EPHA3: variants seen among roughly 807,000 people sequenced by gnomAD.
The protein encoded by EPHA3 is EPH receptor A3, also known as ephrin type-A receptor 3.
EPHA3 carries 42 observed loss-of-function variants against 107.1 expected under a neutral mutation model. That is an observed-to-expected ratio of 0.39 (90% confidence interval 0.31 to 0.51). The LOEUF is 0.51. EPHA3 is among the 20% of genes least tolerant of loss of function. The pLI, the probability that EPHA3 is intolerant of heterozygous loss-of-function variation, is 0.78. For synonymous variants in EPHA3, 461 were observed against 424.8 expected, an observed-to-expected ratio of 1.09 and a Z score of -1.05; for missense variants, 1,183 against 1,211.2, an observed-to-expected ratio of 0.98 and a Z score of 0.35.
intron 9 of EPHA3, among the ~76,000 whole-genome samples, chr3:89,412,050 T>G (rs1280084967): frequency 6.6e-6 from 1 of 151,854 alleles, no homozygotes; most frequent in Non-Finnish European, 1.5e-5. Flanking sequence ...AAATCAGTAG[T>G]CTTAGCAGAT....
At chr3:89,128,893 C>T (rs1229165965) in intron 2 of EPHA3, among the ~76,000 whole-genome samples, 2 of 151,874 alleles carry the variant, frequency 1.3e-5, no homozygotes, top group Non-Finnish European at 2.9e-5. Flanking sequence ...TTGTTATTCT[C>T]ATAGATAATG....
chr3:89,337,855 G>A (rs551076006), intron 3 of EPHA3, among the ~76,000 whole-genome samples: 8 of 152,164 alleles, frequency 5.3e-5, no homozygotes, highest in Non-Finnish European at 1.0e-4. Context: ...TAAACAAACA[G>A]GGTATTGTCT....
intron 10 of EPHA3, among the ~76,000 whole-genome samples, chr3:89,418,704 T>C (rs1395823977): frequency 6.6e-6 from 1 of 151,456 alleles, no homozygotes; most frequent in Non-Finnish European, 1.5e-5. Flanking sequence ...AACACACCAA[T>C]ACTCCAATAA....
chr3:89,111,849 T>A (rs76709621), intron 1 of EPHA3, among the ~76,000 whole-genome samples: 1 of 152,154 alleles, frequency 6.6e-6, no homozygotes, highest in Non-Finnish European at 1.5e-5. Flanking sequence ...TTCATAATCA[T>A]ACTATTCCAG....
chr3:89,275,999 G>T (rs945348355), intron 3 of EPHA3, among the ~76,000 whole-genome samples: 1 of 152,028 alleles, frequency 6.6e-6, no homozygotes, highest in Non-Finnish European at 1.5e-5. Context: ...ACTAGAACCA[G>T]CAGGGTGAAT....
At chr3:89,242,176 T>C (rs1278167720) in intron 3 of EPHA3, among the ~76,000 whole-genome samples, 2 of 152,174 alleles carry the variant, frequency 1.3e-5, no homozygotes, top group Non-Finnish European at 2.9e-5. Context: ...ATGATTGTAA[T>C]ATGAGCTGCT....
At chr3:89,444,718 C>A (rs1287442010) in intron 13 of EPHA3, among the ~76,000 whole-genome samples, 1 of 151,944 alleles carries the variant, frequency 6.6e-6, no homozygotes, top group Non-Finnish European at 1.5e-5. Flanking sequence ...AAATTCATGA[C>A]AAATGACAAA....
intron 5 of EPHA3, among the ~76,000 whole-genome samples, chr3:89,383,188 T>C (rs990990553): frequency 1.3e-5 from 2 of 152,214 alleles, no homozygotes; most frequent in African/African-American, 2.4e-5. Flanking sequence ...AGTTGTAGTT[T>C]GCTAATAAAA....
chr3:89,123,637 G>A (rs1230588995), intron 1 of EPHA3, among the ~76,000 whole-genome samples: 2 of 152,002 alleles, frequency 1.3e-5, no homozygotes, highest in Non-Finnish European at 2.9e-5. Flanking sequence ...AAAGCAATTA[G>A]AGGCAGTAAA....
chr3:89,286,119 C>CGTGTGTGTGTGTGTGTGTGT (rs373081017), intron 3 of EPHA3, among the ~76,000 whole-genome samples: 1 of 136,562 alleles, frequency 7.3e-6, no homozygotes. Flanking sequence ...TCAATTTCTA[C>CGTGTGTGTGTGTGTGTGTGT]GTGTGTGTGT....
chr3:89,408,243 T>C (rs1709090787), intron 9 of EPHA3, 112 bp downstream of exon 9: 2 of 961,220 alleles, frequency 2.1e-6, no homozygotes, highest in Admixed American at 4.4e-5. Context: ...AGTAGTTTTA[T>C]GGAAAAACTG....
At chr3:89,112,418 C>T (rs1707131488) in intron 1 of EPHA3, among the ~76,000 whole-genome samples, 2 of 151,938 alleles carry the variant, frequency 1.3e-5, no homozygotes, top group Non-Finnish European at 1.5e-5. Context: ...GTATTGCCTA[C>T]ATTTAACATT....
intron 3 of EPHA3, among the ~76,000 whole-genome samples, chr3:89,216,402 G>A (rs1042110392): frequency 6.6e-6 from 1 of 151,798 alleles, no homozygotes; most frequent in African/African-American, 2.4e-5. Context: ...CCAAGAAAAA[G>A]ACATATCTAA....
intron 2 of EPHA3, among the ~76,000 whole-genome samples, chr3:89,144,645 G>A (rs1486350560): frequency 2.0e-5 from 3 of 151,484 alleles, no homozygotes; most frequent in South Asian, 2.1e-4. Flanking sequence ...TACATTTCTT[G>A]TTATTTTTAC....
intron 3 of EPHA3, among the ~76,000 whole-genome samples, chr3:89,278,945 A>T (rs1705875791): frequency 6.6e-6 from 1 of 152,196 alleles, no homozygotes; most frequent in Non-Finnish European, 1.5e-5. Flanking sequence ...TAACTCGAGG[A>T]TTCTCAAGTA....
At chr3:89,468,257 T>TA (rs1421738514) in intron 15 of EPHA3, among the ~76,000 whole-genome samples, 1 of 151,118 alleles carries the variant, frequency 6.6e-6, no homozygotes, top group Non-Finnish European at 1.5e-5. Context: ...ATTAGGTCAT[T>TA]TTTTTTTGTC....
chr3:89,332,458 C>T (rs1340500099), intron 3 of EPHA3, among the ~76,000 whole-genome samples: 1 of 152,116 alleles, frequency 6.6e-6, no homozygotes, highest in African/African-American at 2.4e-5. Context: ...TTTTATAGAA[C>T]AGTGGAAGGA....
chr3:89,168,319 A>G (rs1483739240), intron 2 of EPHA3, among the ~76,000 whole-genome samples: 2 of 152,126 alleles, frequency 1.3e-5, no homozygotes, highest in African/African-American at 4.8e-5. Flanking sequence ...GAAGCAGATA[A>G]CTTTGACAAC....
At chr3:89,385,002 T>C (rs987936684) in intron 5 of EPHA3, among the ~76,000 whole-genome samples, 2 of 151,946 alleles carry the variant, frequency 1.3e-5, no homozygotes, top group African/African-American at 4.9e-5. Flanking sequence ...ATCCCAGCAA[T>C]CCAAGGATCA....
Sources: allele counts gnomAD v4.1 joint callset (sites outside exome capture counted in the v4.1 genomes callset), GRCh38; gene constraint gnomAD v4.1.1; transcripts MANE v1.5; gene names NCBI Gene and HGNC (gene_info 2026-07-23, HGNC 2026-07-21).